CCSER1: variants seen among roughly 807,000 people sequenced by gnomAD.
CCSER1 encodes coiled-coil serine rich protein 1.
CCSER1 carries 41 observed loss-of-function variants against 82.0 expected under a neutral mutation model. The observed-to-expected ratio is 0.50, with a 90% confidence interval of 0.39 to 0.65. The LOEUF is 0.65. Ranked by LOEUF, CCSER1 falls within the 30% of genes least tolerant of loss-of-function variation. The pLI is 0.00. For missense variants in CCSER1, 1,119 were observed against 1,064.2 expected (o/e 1.05, Z -0.72); for synonymous variants, 414 against 383.9 (o/e 1.08, Z -0.92).
rs1255522191 is a variant in CCSER1, at chr4:90,303,582, A to G, written c.-41-4662A>G. Reference sequence around the variant, plus strand: ...TCCCTATTTAATAAATGGTGCTGGGAAAACTGGCTAGCCACATGTAGAAAG... The same window carrying G: ...TCCCTATTTAATAAATGGTGCTGGGGAAACTGGCTAGCCACATGTAGAAAG... On this transcript the variant is annotated intron_variant, in intron 1 of 10. Coordinates refer to ENST00000509176, the MANE Select transcript of CCSER1 (RefSeq NM_001145065.2). 2.0e-5 allele frequency among the ~76,000 whole-genome samples: 3 copies of G among 151,862 alleles called. 1 individual carries two copies. Among genetic ancestry groups the G allele is most frequent in the Admixed American group, 2.0e-4 (3 of 15,266 alleles).
chr4:90,314,684 G>A (rs1735857899), intron 3 of CCSER1, among the ~76,000 whole-genome samples: 1 of 151,918 alleles, frequency 6.6e-6, no homozygotes, highest in African/African-American at 2.4e-5. Context: ...TCCAGGAGTT[G>A]GAGGCTGCAG....
At chr4:91,253,429 G>T (rs1740420327) in intron 10 of CCSER1, among the ~76,000 whole-genome samples, 2 of 152,086 alleles carry the variant, frequency 1.3e-5, no homozygotes, top group African/African-American at 2.4e-5. Flanking sequence ...TTTCAACTGT[G>T]TGGGGTTCAG....
intron 3 of CCSER1, among the ~76,000 whole-genome samples, chr4:90,336,215 C>G (rs914197384): frequency 1.3e-5 from 2 of 152,064 alleles, no homozygotes; most frequent in Non-Finnish European, 2.9e-5. Context: ...TGGCTACTGA[C>G]TAGGTTAACT....
intron 10 of CCSER1, among the ~76,000 whole-genome samples, chr4:91,588,219 A>G (rs1208727237): frequency 2.0e-5 from 3 of 151,516 alleles, no homozygotes; most frequent in Non-Finnish European, 3.0e-5. Context: ...TGCAAAGAAA[A>G]TGATTTGCTT....
At chr4:90,480,862 C>T (rs1390865394) in intron 5 of CCSER1, among the ~76,000 whole-genome samples, 4 of 152,142 alleles carry the variant, frequency 2.6e-5, no homozygotes, top group Non-Finnish European at 5.9e-5. Flanking sequence ...GCAATGCGGG[C>T]TCTTTTTTGG....
chr4:91,347,843 C>T (rs1041735001), intron 10 of CCSER1, among the ~76,000 whole-genome samples: 14 of 145,262 alleles, frequency 9.6e-5, no homozygotes, highest in African/African-American at 3.4e-4. Flanking sequence ...TTGCTGTAAT[C>T]ACTTCTTAGT....
intron 9 of CCSER1, among the ~76,000 whole-genome samples, chr4:91,077,889 G>A (rs923161970): frequency 6.6e-5 from 10 of 152,238 alleles, no homozygotes; most frequent in Admixed American, 3.9e-4. Context: ...TGGCAGCGAG[G>A]CTGGTGGAGG....
At chr4:90,918,400 T>C (rs902402377) in intron 8 of CCSER1, 1 of 380,950 alleles carries the variant, frequency 2.6e-6, no homozygotes, top group Middle Eastern at 5.9e-4. Flanking sequence ...TTTCAGCTCG[T>C]TTTACAGCAC....
intron 1 of CCSER1, among the ~76,000 whole-genome samples, chr4:90,220,206 A>T (rs374015619): frequency 2.3e-4 from 35 of 152,284 alleles, no homozygotes; most frequent in East Asian, 1.7e-3. Context: ...GTGTGTATGT[A>T]TAAGGAAAAA....
At chr4:90,236,034 C>T (rs1032948422) in intron 1 of CCSER1, among the ~76,000 whole-genome samples, 14 of 152,222 alleles carry the variant, frequency 9.2e-5, no homozygotes, top group African/African-American at 3.4e-4. Context: ...CTTGACCTCC[C>T]AGGCTCAAGA....
rs991726980 is a variant in CCSER1 at position 91,594,799 on chromosome 4, A to G, written c.2218-3773A>G. 3.3e-5 allele frequency among the ~76,000 whole-genome samples: 5 copies of G among 152,076 alleles called. No individual in the cohort carries two copies. In the East Asian group the frequency reaches 9.6e-4, roughly 29 times the overall value. The stretch of plus-strand genomic sequence containing the variant: ...TATTCATTCCATGTTACACAGTTCA[A>G]TGGTAGCACAACTAGAGTCTTTTGG... On this transcript the variant is annotated intron_variant, in intron 10 of 10. Transcript: ENST00000509176.
At chr4:90,419,772 T>A (rs932149944) in intron 4 of CCSER1, among the ~76,000 whole-genome samples, 2 of 151,936 alleles carry the variant, frequency 1.3e-5, no homozygotes, top group African/African-American at 4.8e-5. Flanking sequence ...GATGGAGAGC[T>A]GTATAATTCA....
At chr4:91,319,966 G>A (rs1011960977) in intron 10 of CCSER1, among the ~76,000 whole-genome samples, 8 of 151,978 alleles carry the variant, frequency 5.3e-5, no homozygotes, top group Admixed American at 5.3e-4. Context: ...AGAGTAGCGC[G>A]ATGAAATCCT....
intron 9 of CCSER1, among the ~76,000 whole-genome samples, chr4:90,982,275 T>C (rs917311852): frequency 2.6e-5 from 4 of 151,706 alleles, no homozygotes; most frequent in Admixed American, 2.0e-4. Context: ...GACATCTTCC[T>C]CTTCTTTGAA....
chr4:90,548,307 C>A (rs1777030212), intron 5 of CCSER1, among the ~76,000 whole-genome samples: 1 of 152,134 alleles, frequency 6.6e-6, no homozygotes, highest in African/African-American at 2.4e-5. Context: ...TCCCAATCAG[C>A]CCTTTAAAGT....
chr4:90,877,979 C>T (rs1358805744), intron 8 of CCSER1, among the ~76,000 whole-genome samples: 1 of 152,106 alleles, frequency 6.6e-6, no homozygotes, highest in East Asian at 1.9e-4. Flanking sequence ...AGCAAGCTTC[C>T]ATTTTCTCAG....
chr4:91,321,651 G>GT (rs1236422319), intron 10 of CCSER1, among the ~76,000 whole-genome samples: 2 of 151,868 alleles, frequency 1.3e-5, no homozygotes, highest in Non-Finnish European at 2.9e-5. Context: ...TCAACTTAAG[G>GT]TTTTTTATTT....
chr4:90,632,956 G>A (rs1290735608), intron 6 of CCSER1, among the ~76,000 whole-genome samples: 1 of 152,032 alleles, frequency 6.6e-6, no homozygotes, highest in Non-Finnish European at 1.5e-5. Context: ...GTCAGTCCCT[G>A]TATATCTTTA....
intron 7 of CCSER1, among the ~76,000 whole-genome samples, chr4:90,752,109 G>C (rs1368974513): frequency 3.3e-5 from 5 of 151,974 alleles, no homozygotes; most frequent in Admixed American, 3.3e-4. Flanking sequence ...ATTTTAATTT[G>C]TTTTACATAT....
Sources: gnomAD v4.1 joint callset for allele counts (sites outside exome capture counted in the v4.1 genomes callset) on GRCh38, gnomAD v4.1.1 for gene constraint, MANE v1.5 for transcripts, NCBI Gene and HGNC (gene_info 2026-07-23, HGNC 2026-07-21) for gene names.